NSUN7: variants seen among roughly 807,000 people sequenced by gnomAD.
NSUN7 encodes the protein protein NSUN7.
A neutral mutation model predicts 58.5 loss-of-function variants in NSUN7; 39 were observed. The observed-to-expected ratio is 0.67, with a 90% CI of 0.52 to 0.87. The LOEUF is 0.87. Ranked by LOEUF, NSUN7 falls within the 40% of genes least tolerant of loss-of-function variation. The probability of loss-of-function intolerance (pLI) is 0.00; values close to 1 mark genes in which losing one functional copy is unlikely to be tolerated. For synonymous variants in NSUN7, 278 were observed against 303.7 expected, an observed-to-expected ratio of 0.92 and a Z score of 0.88; for missense variants, 765 against 844.1, an observed-to-expected ratio of 0.91 and a Z score of 1.16.
At chr4:40,794,070 A>C (rs900643768) in intron 8 of NSUN7, among the ~76,000 whole-genome samples, 6 of 152,064 alleles carry the variant, frequency 3.9e-5, no homozygotes, top group African/African-American at 1.2e-4. Flanking sequence ...GACTGACGGC[A>C]TTTTCTCTTC....
chr4:40,786,669 C>T, intron 7 of NSUN7: 2 of 1,579,530 alleles, frequency 1.3e-6, no homozygotes, highest in Non-Finnish European at 1.7e-6. Context: ...ATGATATGAT[C>T]ATTAAAAGAA....
At chr4:40,750,570 G>C in intron 1 of NSUN7, 33 bp from the exon 2 acceptor site, 1 of 1,165,684 alleles carries the variant, frequency 8.6e-7, no homozygotes, top group African/African-American at 1.5e-5. Flanking sequence ...TGCAGAAAGA[G>C]TGATTTACTG....
At chr4:40,774,165 A>G in intron 4 of NSUN7, 100 bp from the exon 5 acceptor site, 1 of 1,052,136 alleles carries the variant, frequency 9.5e-7, no homozygotes, top group Non-Finnish European at 1.4e-6. Context: ...TAGAATTGTT[A>G]TTTGTTAAAA....
intron 7 of NSUN7, among the ~76,000 whole-genome samples, chr4:40,787,069 T>G (rs893718702): frequency 6.8e-6 from 1 of 147,362 alleles, no homozygotes; most frequent in African/African-American, 2.5e-5. Flanking sequence ...ATCAAATAAA[T>G]CTGATGGAAG....
intron 4 of NSUN7, among the ~76,000 whole-genome samples, chr4:40,772,711 A>G (rs1478804084): frequency 6.6e-6 from 1 of 152,214 alleles, no homozygotes; most frequent in African/African-American, 2.4e-5. Flanking sequence ...AGAGATGCTC[A>G]TTTACTACCC....
chr4:40,781,567 T>TC (rs1742568341), intron 7 of NSUN7, among the ~76,000 whole-genome samples: 1 of 152,196 alleles, frequency 6.6e-6, no homozygotes, highest in African/African-American at 2.4e-5. Flanking sequence ...CTGCTCAGCC[T>TC]CCCAAGTAGC....
chr4:40,801,901 CA>C (rs56868885), intron 10 of NSUN7, among the ~76,000 whole-genome samples: 64 of 107,412 alleles, frequency 6.0e-4, no homozygotes, highest in African/African-American at 1.3e-3. Context: ...GACTCTGTCT[CA>C]AAAAAAAAAA....
intron 2 of NSUN7, among the ~76,000 whole-genome samples, chr4:40,759,240 G>C (rs1741320341): frequency 6.6e-6 from 1 of 152,186 alleles, no homozygotes; most frequent in African/African-American, 2.4e-5. Flanking sequence ...GAACCCGGGA[G>C]GTGGAGGTTG....
chr4:40,796,141 G>T (rs1345535022), intron 9 of NSUN7, among the ~76,000 whole-genome samples: 2 of 152,148 alleles, frequency 1.3e-5, no homozygotes. Flanking sequence ...GCCAAACCTG[G>T]CGGATCACTT....
intron 8 of NSUN7, among the ~76,000 whole-genome samples, 196 bp downstream of exon 8, chr4:40,790,941 T>G (rs1181076745): frequency 1.3e-5 from 2 of 152,158 alleles, no homozygotes; most frequent in Non-Finnish European, 2.9e-5. Flanking sequence ...TAGACCAGGG[T>G]GATATTCAAA....
chr4:40,780,828 TTTTTTTTTTG>T, intron 7 of NSUN7, among the ~76,000 whole-genome samples: 1 of 129,740 alleles, frequency 7.7e-6, no homozygotes, highest in Admixed American at 7.7e-5. Flanking sequence ...TTTTTTTTTT[TTTTTTTTTTG>T]AGACGGTGTC....
At chr4:40,765,423 C>G (rs1402769325) in intron 4 of NSUN7, among the ~76,000 whole-genome samples, 1 of 150,048 alleles carries the variant, frequency 6.7e-6, no homozygotes, top group African/African-American at 2.5e-5. Context: ...GGGCTCTGTT[C>G]TGTTCCATTG....
rs1742208881 is a variant in NSUN7 at position 40,775,226 on chromosome 4, TCTCCC to T, written c.825+279_825+283del. On this transcript the variant is annotated intron_variant, in intron 6 of 11. Transcript: ENST00000381782. The surrounding 1 kb of genome is among the most constrained non-coding windows in gnomAD (Gnocchi z 4.3). Reference sequence around the variant, plus strand: ...GCTGGCAGCTGTAAGGTTCTACTTTTCTCCCCTAAAGGAGAATTCAAGAGAAAGTA... The same window carrying T: ...GCTGGCAGCTGTAAGGTTCTACTTTTCTAAAGGAGAATTCAAGAGAAAGTA... 5.3e-6 allele frequency: 1 copy of T among 188,328 alleles called. No individual in the cohort carries two copies. Among genetic ancestry groups the T allele is most frequent in the Non-Finnish European group, 1.1e-5 (1 of 92,452 alleles). The allele number at this position is 188,328 out of a possible 1,614,324, so 11.7% of individuals were successfully genotyped here. A position where few individuals can be genotyped will look rare whatever the true frequency, so the allele number is the denominator to read the frequency against.
chr4:40,757,689 CT>C (rs1741228413), intron 2 of NSUN7, among the ~76,000 whole-genome samples: 1 of 138,764 alleles, frequency 7.2e-6, no homozygotes, highest in South Asian at 2.2e-4. Flanking sequence ...TATATACACA[CT>C]GTGTATATAT....
chr4:40,808,570 A>C lies in NSUN7; in HGVS notation c.1788A>C (p.Gln596His), dbSNP rs1338914727. 6.4e-7 allele frequency: 1 copy of C among 1,551,590 alleles called. No individual in the cohort carries two copies. Among genetic ancestry groups the C allele is most frequent in the African/African-American group, 1.4e-5 (1 of 72,996 alleles). Reference sequence around the variant, plus strand: ...CTCTTCCCCAGAAAAATACTGCTCAAGTGGGGGCTTCCTCACAGACCAGAA... The same window carrying C: ...CTCTTCCCCAGAAAAATACTGCTCACGTGGGGGCTTCCTCACAGACCAGAA... The part of the protein sequence containing the change: ...KPPLPQKNTA[Q>H]VGASSQTRKP... The change falls in exon 12 of 12, where the codon CAA becomes CAC. Residue 596 changes from glutamine (Q) to histidine (H), a missense_variant. Physicochemically the swap from Gln to His is conservative, Grantham distance 24. Transcript: ENST00000381782.
chr4:40,800,410 G>A (rs1317370754), intron 10 of NSUN7, among the ~76,000 whole-genome samples: 1 of 151,924 alleles, frequency 6.6e-6, no homozygotes, highest in African/African-American at 2.4e-5. Flanking sequence ...CACGATCTCA[G>A]CTCACTGCAA....
intron 2 of NSUN7, among the ~76,000 whole-genome samples, chr4:40,751,939 T>G (rs1336315252): frequency 1.3e-5 from 2 of 152,224 alleles, no homozygotes; most frequent in East Asian, 3.9e-4. Context: ...GAGGTTGCAG[T>G]GAGCCAAGAT....
In NSUN7 at chr4:40,755,669, T is replaced by A. The variant is rs1029733457; in HGVS notation, c.298+4678T>A. ...GTTATAGCTTTTGCGAATTAGTAAC[T>A]GTAGTCAGGGGTTCCTAAGACCACC... is the stretch of plus-strand genomic sequence containing the variant. On this transcript the variant is annotated intron_variant, in intron 2 of 11. Coordinates refer to ENST00000381782, the MANE Select transcript of NSUN7 (RefSeq NM_024677.6). Among the ~76,000 whole-genome samples the A allele has an allele frequency of 5.9e-5, 9 of 152,220 alleles. 1 individual carries two copies. The highest frequency in any genetic ancestry group is 5.9e-4 in the Admixed American group (9 of 15,282).
At chr4:40,763,735 C>T (rs1741573288) in intron 4 of NSUN7, among the ~76,000 whole-genome samples, 1 of 152,304 alleles carries the variant, frequency 6.6e-6, no homozygotes, top group East Asian at 1.9e-4. Flanking sequence ...CAGATTTTCC[C>T]TATTCCCATA....
Sources: allele counts gnomAD v4.1 joint callset (sites outside exome capture counted in the v4.1 genomes callset), GRCh38; gene constraint gnomAD v4.1.1; non-coding constraint Gnocchi (gnomAD v3.1); transcripts MANE v1.5; gene names NCBI Gene and HGNC (gene_info 2026-07-23, HGNC 2026-07-21).